Variants in ANXA13 observed in about 807,000 individuals in gnomAD.
The protein encoded by ANXA13 is annexin XIII.
Under a neutral mutation model 46.6 loss-of-function variants are expected in ANXA13, and 36 were observed. The observed-to-expected ratio is 0.77, with a 90% CI of 0.59 to 1.02. ANXA13 has a LOEUF of 1.02. ANXA13 is among the 50% of genes least tolerant of loss of function. The pLI is 0.00. For missense variants in ANXA13, 417 were observed against 396.5 expected, an observed-to-expected ratio of 1.05 and a Z score of -0.44; for synonymous variants, 163 against 152.9, an observed-to-expected ratio of 1.07 and a Z score of -0.49.
intron 9 of ANXA13, among the ~76,000 whole-genome samples, chr8:123,685,616 T>C (rs1369032814): frequency 6.6e-6 from 1 of 152,194 alleles, no homozygotes; most frequent in Non-Finnish European, 1.5e-5. Context: ...CTATGTCCCA[T>C]AATGGGGCTG....
chr8:123,717,870 C>T (rs1274034998), intron 1 of ANXA13, among the ~76,000 whole-genome samples: 2 of 152,252 alleles, frequency 1.3e-5, no homozygotes, highest in Admixed American at 6.5e-5. Context: ...CATTAAGTAA[C>T]CACTCAGATG....
chr8:123,711,201 C>A (rs946039859), intron 2 of ANXA13, among the ~76,000 whole-genome samples: 1 of 152,232 alleles, frequency 6.6e-6, no homozygotes, highest in African/African-American at 2.4e-5. Context: ...TAGCAGACAA[C>A]CTCACCTACC....
chr8:123,725,760 G>A (rs1419563265), intron 1 of ANXA13, among the ~76,000 whole-genome samples: 1 of 152,168 alleles, frequency 6.6e-6, no homozygotes, highest in Non-Finnish European at 1.5e-5. Flanking sequence ...AGTTATTGCT[G>A]TTTTCATTAG....
intron 4 of ANXA13, among the ~76,000 whole-genome samples, chr8:123,697,585 C>G (rs1813365018): frequency 6.6e-6 from 1 of 152,182 alleles, no homozygotes; most frequent in South Asian, 2.1e-4. Flanking sequence ...TGTCAGGGCA[C>G]TGTTTGCATT....
At position 123,688,943 on chromosome 8, in the gene ANXA13, T is replaced by A; in HGVS notation, c.646A>T (p.Ile216Phe). ...ATGGCTTCTTCTATGTCTTTGCCAA[T>A]GAGCTGCAGCGAAAACCAAAATCAA... ...RATFQAYQIL[I>F]GKDIEEAIEE... The change falls in exon 9 of 11, where the codon ATT becomes TTT. Residue 216 changes from isoleucine (I) to phenylalanine (F), a missense_variant. Ile to Phe is a conservative substitution (Grantham distance 21). Transcript: ENST00000419625. 1.2e-6 allele frequency: 2 copies of A among 1,613,288 alleles called. No homozygotes were observed. The highest frequency in any genetic ancestry group is 1.7e-6 in the Non-Finnish European group (2 of 1,179,448).
intron 2 of ANXA13, among the ~76,000 whole-genome samples, chr8:123,707,961 T>G (rs1013368836): frequency 3.3e-5 from 5 of 152,116 alleles, no homozygotes; most frequent in Non-Finnish European, 7.4e-5. Flanking sequence ...AACCTGGACG[T>G]CGGGGGAGGC....
intron 1 of ANXA13, among the ~76,000 whole-genome samples, chr8:123,725,435 T>G (rs2129932856): frequency 6.6e-6 from 1 of 152,338 alleles, no homozygotes; most frequent in South Asian, 2.1e-4. Flanking sequence ...TTCTTTTACC[T>G]CTAACCGGTT....
chr8:123,705,508 T>C (rs897662906), intron 2 of ANXA13, among the ~76,000 whole-genome samples: 6 of 152,222 alleles, frequency 3.9e-5, no homozygotes, highest in African/African-American at 9.7e-5. Context: ...TTCCTCTGTT[T>C]TGGCACAGCA....
At chr8:123,682,922 G>A (rs1227422226) in intron 10 of ANXA13, among the ~76,000 whole-genome samples, 3 of 152,168 alleles carry the variant, frequency 2.0e-5, no homozygotes, top group Admixed American at 6.5e-5. Context: ...GGGCCATGTC[G>A]GAGTGATCAC....
intron 8 of ANXA13, among the ~76,000 whole-genome samples, 154 bp downstream of exon 8, chr8:123,693,043 T>C (rs548349392): frequency 9.9e-5 from 15 of 152,270 alleles, no homozygotes; most frequent in African/African-American, 3.6e-4. Context: ...ATTCTAGACA[T>C]TATCAAATAT....
intron 2 of ANXA13, among the ~76,000 whole-genome samples, chr8:123,711,084 A>G (rs1331651742): frequency 6.6e-6 from 1 of 152,068 alleles, no homozygotes; most frequent in Admixed American, 6.5e-5. Flanking sequence ...TGGGGCCCTT[A>G]GTGTGTATCA....
Position 123,698,458 on chromosome 8 carries a change from C to T in ANXA13, c.288G>A (p.Gln96=). The T allele has an allele frequency of 6.2e-7, 1 of 1,614,226 alleles. No individual in the cohort carries two copies. Among genetic ancestry groups the T allele is most frequent in the Non-Finnish European group, 8.5e-7 (1 of 1,180,038 alleles). ...CTGTGCCCAGACCCTTCATAGCCTT[C>T]TGCAGCTGCCGGGCGGCGTACTCGC... ...RPSEYAARQL[Q]KAMKGLGTDE... The change falls in exon 4 of 11, where the codon CAG becomes CAA. Residue 96 remains glutamine, a synonymous_variant. Coordinates refer to ENST00000419625, the MANE Select transcript of ANXA13 (RefSeq NM_004306.4).
intron 9 of ANXA13, 79 bp downstream of exon 9, chr8:123,688,792 T>C (rs1053189316): frequency 4.6e-6 from 6 of 1,307,338 alleles, no homozygotes; most frequent in Non-Finnish European, 6.6e-6. Context: ...CCCTCAAATC[T>C]TCCTACACAC....
intron 1 of ANXA13, among the ~76,000 whole-genome samples, chr8:123,715,696 G>T (rs1813747366): frequency 6.6e-6 from 1 of 152,224 alleles, no homozygotes; most frequent in Non-Finnish European, 1.5e-5. Flanking sequence ...TTCCCCTCAA[G>T]GGTCACCTTT....
intron 1 of ANXA13, among the ~76,000 whole-genome samples, chr8:123,732,578 T>G (rs2129953206): frequency 6.6e-6 from 1 of 152,246 alleles, no homozygotes; most frequent in East Asian, 1.9e-4. Flanking sequence ...GGCTCTAGAA[T>G]TCTTGTGTTG....
At chr8:123,705,391 C>T (rs1050602080) in intron 2 of ANXA13, among the ~76,000 whole-genome samples, 24 of 152,190 alleles carry the variant, frequency 1.6e-4, no homozygotes, top group Non-Finnish European at 2.4e-4. Context: ...ATGGTGGCAT[C>T]GAGACTTCCC....
chr8:123,702,235 G>A (rs1813458387), intron 3 of ANXA13, among the ~76,000 whole-genome samples: 2 of 139,346 alleles, frequency 1.4e-5, no homozygotes, highest in Admixed American at 7.6e-5. Context: ...AATAGGTGTT[G>A]ATAGCTTAAT....
intron 10 of ANXA13, among the ~76,000 whole-genome samples, chr8:123,682,983 G>C (rs1476645009): frequency 6.6e-6 from 1 of 152,126 alleles, no homozygotes; most frequent in Non-Finnish European, 1.5e-5. Flanking sequence ...GGGGTCATTT[G>C]GAATCCTGGG....
chr8:123,703,937 T>G (rs1242951439), intron 2 of ANXA13, among the ~76,000 whole-genome samples: 2 of 152,124 alleles, frequency 1.3e-5, no homozygotes, highest in Non-Finnish European at 2.9e-5. Context: ...TTTATTCAGG[T>G]TGGACTCAAA....
Sources: allele counts gnomAD v4.1 joint callset (sites outside exome capture counted in the v4.1 genomes callset), GRCh38; gene constraint gnomAD v4.1.1; transcripts MANE v1.5; gene names NCBI Gene and HGNC (gene_info 2026-07-23, HGNC 2026-07-21).